Variants in GTF2F2 observed in about 807,000 individuals in gnomAD.
GTF2F2 encodes ATP-dependent helicase GTF2F2.
Under a neutral mutation model 42.2 loss-of-function variants are expected in GTF2F2, and 23 were observed. That is an observed-to-expected ratio of 0.55 (90% CI 0.39 to 0.77). The LOEUF (loss-of-function observed/expected upper bound fraction) is 0.77, where lower values mean the gene tolerates loss of function less well. Among genes scored for constraint, GTF2F2 ranks in the 30% least tolerant of loss-of-function variants. The probability of loss-of-function intolerance (pLI) is 0.00; values close to 1 mark genes in which losing one functional copy is unlikely to be tolerated. For synonymous variants in GTF2F2, 105 were observed against 100.8 expected (o/e 1.04, Z -0.25); for missense variants, 261 against 287.2 (o/e 0.91, Z 0.66).
chr13:45,224,700 A>G (rs1204205425), intron 5 of GTF2F2, among the ~76,000 whole-genome samples: 1 of 152,214 alleles, frequency 6.6e-6, no homozygotes, highest in Non-Finnish European at 1.5e-5. Flanking sequence ...CATCTTTCCA[A>G]GTGTTTTGCT....
At chr13:45,235,454 T>C (rs1366761963) in intron 5 of GTF2F2, among the ~76,000 whole-genome samples, 1 of 152,024 alleles carries the variant, frequency 6.6e-6, no homozygotes, top group Non-Finnish European at 1.5e-5. Flanking sequence ...CTTAAGGACA[T>C]ATGTAGTGGG....
chr13:45,184,456 C>T (rs1213608046), intron 4 of GTF2F2, among the ~76,000 whole-genome samples: 1 of 149,564 alleles, frequency 6.7e-6, no homozygotes, highest in Non-Finnish European at 1.5e-5. Flanking sequence ...TGGCATGATC[C>T]TACCTCACTG....
At chr13:45,263,508 G>A (rs539666962) in intron 6 of GTF2F2, among the ~76,000 whole-genome samples, 17 of 152,238 alleles carry the variant, frequency 1.1e-4, no homozygotes, top group East Asian at 5.8e-4. Context: ...GATTACAGGC[G>A]TGAGCCACCG....
intron 1 of GTF2F2, among the ~76,000 whole-genome samples, chr13:45,123,746 C>A (rs998826901): frequency 4.4e-4 from 66 of 151,432 alleles, no homozygotes; most frequent in Non-Finnish European, 8.7e-4. Context: ...ATATCCAGGA[C>A]CTGTACTGTT....
At chr13:45,131,156 C>T (rs1408525468) in intron 1 of GTF2F2, among the ~76,000 whole-genome samples, 1 of 151,116 alleles carries the variant, frequency 6.6e-6, no homozygotes, top group Non-Finnish European at 1.5e-5. Context: ...TGTGGTGAGC[C>T]GAGATCGCGC....
chr13:45,180,887 C>T (rs1215681676), intron 4 of GTF2F2, among the ~76,000 whole-genome samples: 1 of 151,942 alleles, frequency 6.6e-6, no homozygotes. Context: ...GTGATCTGGG[C>T]GTGGTGGGTC....
intron 4 of GTF2F2, among the ~76,000 whole-genome samples, chr13:45,188,410 G>C (rs2138165153): frequency 6.6e-6 from 1 of 152,280 alleles, no homozygotes; most frequent in Non-Finnish European, 1.5e-5. Flanking sequence ...ACATGTGCTT[G>C]TTAAAAGTTC....
At chr13:45,223,182 A>G (rs545228910) in intron 5 of GTF2F2, among the ~76,000 whole-genome samples, 220 of 149,524 alleles carry the variant, frequency 1.5e-3, no homozygotes, top group Non-Finnish European at 2.6e-3. Context: ...ACTTGAGTCC[A>G]GGAGGTGCAG....
In GTF2F2 at chr13:45,159,449, G is replaced by C. The variant is rs541582773; in HGVS notation, c.304+7618G>C. Among the ~76,000 whole-genome samples the C allele has an allele frequency of 2.6e-4, 40 of 152,294 alleles. No homozygotes were observed. In the South Asian group the frequency reaches 4.6e-3, roughly 17 times the overall value. On this transcript the variant is annotated intron_variant, in intron 4 of 7. Transcript: ENST00000340473. ...TATGTTGCCAAGGCTGGAGCGCAGT[G>C]GCGCGATCTCGGCTCACTGCAACCT...
At chr13:45,214,957 A>G (rs1474021622) in intron 5 of GTF2F2, among the ~76,000 whole-genome samples, 1 of 150,268 alleles carries the variant, frequency 6.7e-6, no homozygotes, top group Non-Finnish European at 1.5e-5. Flanking sequence ...TTTTATTTTT[A>G]TTCCAGTGTT....
chr13:45,241,104 G>A lies in GTF2F2; in HGVS notation c.387-11767G>A, dbSNP rs1875277677. On this transcript the variant is annotated intron_variant, in intron 5 of 7. Coordinates refer to ENST00000340473, the MANE Select transcript of GTF2F2 (RefSeq NM_004128.3). ...GGAGGTTGAGGCTGCAGTGTGTCGTGATCATACCACAGACCACTGCACTCT... is the reference window on the plus strand; with the variant it reads ...GGAGGTTGAGGCTGCAGTGTGTCGTAATCATACCACAGACCACTGCACTCT... Among the ~76,000 whole-genome samples the A allele has an allele frequency of 2.0e-5, 3 of 151,146 alleles. No homozygotes were observed. The South Asian group carries it at 6.2e-4, about 31-fold the overall frequency.
chr13:45,231,174 C>T (rs930592272), intron 5 of GTF2F2, among the ~76,000 whole-genome samples: 1 of 152,080 alleles, frequency 6.6e-6, no homozygotes, highest in Admixed American at 6.6e-5. Context: ...GTGGCACAAT[C>T]TTGGCTTACT....
intron 4 of GTF2F2, among the ~76,000 whole-genome samples, chr13:45,168,130 T>C (rs1871392115): frequency 6.6e-6 from 1 of 152,218 alleles, no homozygotes; most frequent in Non-Finnish European, 1.5e-5. Flanking sequence ...TCTCAACCCC[T>C]TTTCTGCTGC....
At chr13:45,234,267 A>G (rs1206360928) in intron 5 of GTF2F2, among the ~76,000 whole-genome samples, 1 of 152,226 alleles carries the variant, frequency 6.6e-6, no homozygotes, top group African/African-American at 2.4e-5. Context: ...ATAGTCTGAT[A>G]TCCCTTGCAT....
intron 2 of GTF2F2, among the ~76,000 whole-genome samples, chr13:45,144,303 G>T (rs910123027): frequency 6.6e-6 from 1 of 151,896 alleles, no homozygotes; most frequent in Non-Finnish European, 1.5e-5. Context: ...AATTTTAAAG[G>T]CAACCTTCTT....
At chr13:45,126,786 G>T (rs1198605877) in intron 1 of GTF2F2, among the ~76,000 whole-genome samples, 3 of 152,238 alleles carry the variant, frequency 2.0e-5, no homozygotes, top group Non-Finnish European at 4.4e-5. Context: ...AAGGAATATT[G>T]TTTCTGTGCA....
intron 7 of GTF2F2, among the ~76,000 whole-genome samples, chr13:45,281,516 A>T (rs1050247639): frequency 1.3e-5 from 2 of 152,256 alleles, no homozygotes; most frequent in African/African-American, 4.8e-5. Context: ...GAGTATCAGA[A>T]CTGGAAGAAC....
chr13:45,242,474 A>G (rs1875366665), intron 5 of GTF2F2, among the ~76,000 whole-genome samples: 1 of 152,084 alleles, frequency 6.6e-6, no homozygotes, highest in Non-Finnish European at 1.5e-5. Context: ...CTATCCTTTA[A>G]AAAATAACAA....
At chr13:45,192,130 A>G (rs1222164800) in intron 4 of GTF2F2, among the ~76,000 whole-genome samples, 8 of 152,126 alleles carry the variant, frequency 5.3e-5, no homozygotes, top group Admixed American at 1.3e-4. Flanking sequence ...AAATTTTACA[A>G]TTCTTTTCCT....
Sources: gnomAD v4.1 joint callset for allele counts (sites outside exome capture counted in the v4.1 genomes callset) on GRCh38, gnomAD v4.1.1 for gene constraint, MANE v1.5 for transcripts, NCBI Gene and HGNC (gene_info 2026-07-23, HGNC 2026-07-21) for gene names.